Variants in TMEM132D observed in about 807,000 individuals in gnomAD.
TMEM132D encodes mature OL transmembrane protein.
Under a neutral mutation model 62.3 loss-of-function variants are expected in TMEM132D, and 21 were observed. The ratio of observed to expected loss-of-function variants is 0.34; its 90% CI spans 0.24 to 0.49. TMEM132D has a LOEUF of 0.49. Ranked by LOEUF, TMEM132D falls within the 20% of genes least tolerant of loss-of-function variation. TMEM132D has a pLI of 0.99. For synonymous variants in TMEM132D, 621 were observed against 575.6 expected, an observed-to-expected ratio of 1.08 and a Z score of -1.13; for missense variants, 1,346 against 1,402.8, an observed-to-expected ratio of 0.96 and a Z score of 0.65.
intron 1 of TMEM132D, among the ~76,000 whole-genome samples, chr12:129,837,342 C>T (rs554413153): frequency 3.9e-5 from 6 of 152,282 alleles, no homozygotes; most frequent in Admixed American, 1.3e-4. Context: ...CACAGGTCCA[C>T]GGTGCTATTT....
intron 2 of TMEM132D, among the ~76,000 whole-genome samples, chr12:129,649,675 T>C (rs1371837474): frequency 2.0e-5 from 3 of 152,112 alleles, no homozygotes; most frequent in Admixed American, 6.5e-5. Context: ...CTATAGAATA[T>C]ACTGTTCTAT....
intron 1 of TMEM132D, among the ~76,000 whole-genome samples, chr12:129,762,497 CTCTG>C (rs1870414067): frequency 6.6e-6 from 1 of 152,036 alleles, no homozygotes; most frequent in Non-Finnish European, 1.5e-5. Flanking sequence ...AGGTGTTTTG[CTCTG>C]TCTTCTTTTC....
intron 1 of TMEM132D, among the ~76,000 whole-genome samples, chr12:129,819,380 C>G (rs1872477909): frequency 1.3e-5 from 2 of 152,086 alleles, no homozygotes; most frequent in African/African-American, 2.4e-5. Flanking sequence ...ACTAAAATAT[C>G]GTAATACCAT....
intron 1 of TMEM132D, among the ~76,000 whole-genome samples, chr12:129,861,731 G>T (rs886542508): frequency 7.2e-6 from 1 of 138,918 alleles, no homozygotes; most frequent in Non-Finnish European, 1.5e-5. Flanking sequence ...TCCAGCCTGG[G>T]CAACAGAGAG....
intron 1 of TMEM132D, among the ~76,000 whole-genome samples, chr12:129,731,114 G>T (rs1256814249): frequency 6.6e-6 from 1 of 151,998 alleles, no homozygotes; most frequent in African/African-American, 2.4e-5. Flanking sequence ...TATTTCAATT[G>T]GTTTAGAGCT....
intron 1 of TMEM132D, among the ~76,000 whole-genome samples, chr12:129,755,948 C>A (rs1870155399): frequency 6.6e-6 from 1 of 152,178 alleles, no homozygotes; most frequent in Non-Finnish European, 1.5e-5. Flanking sequence ...CCAAAAATGT[C>A]CATAATACAC....
intron 1 of TMEM132D, among the ~76,000 whole-genome samples, chr12:129,710,933 C>A (rs1420337546): frequency 6.6e-6 from 1 of 152,088 alleles, no homozygotes; most frequent in Non-Finnish European, 1.5e-5. Context: ...CCTACCCACG[C>A]GCATTCCCCG....
chr12:129,160,170 G>A (rs983075658), intron 5 of TMEM132D, among the ~76,000 whole-genome samples: 2 of 152,176 alleles, frequency 1.3e-5, no homozygotes, highest in African/African-American at 2.4e-5. Context: ...GTGTATGTTG[G>A]GGTCATATGG....
intron 3 of TMEM132D, among the ~76,000 whole-genome samples, chr12:129,512,234 T>C (rs1418616544): frequency 2.0e-5 from 3 of 152,194 alleles, no homozygotes; most frequent in Non-Finnish European, 2.9e-5. Flanking sequence ...GTCTCCGGCA[T>C]GCACCTGAAT....
intron 1 of TMEM132D, among the ~76,000 whole-genome samples, chr12:129,805,932 AC>A (rs1199767787): frequency 5.2e-5 from 7 of 135,172 alleles, no homozygotes; most frequent in Non-Finnish European, 1.1e-4. Context: ...GCCAAAAAAC[AC>A]ATGAAAAAAT....
chr12:129,726,634 T>G (rs1869046868), intron 1 of TMEM132D, among the ~76,000 whole-genome samples: 1 of 152,184 alleles, frequency 6.6e-6, no homozygotes, highest in African/African-American at 2.4e-5. Context: ...CTTGAAAGAT[T>G]GTCTTGCTGC....
At chr12:129,513,977 A>G (rs1021997567) in intron 3 of TMEM132D, among the ~76,000 whole-genome samples, 1 of 150,552 alleles carries the variant, frequency 6.6e-6, no homozygotes, top group Non-Finnish European at 1.5e-5. Context: ...AGCTGGGACT[A>G]CAGGCGCCCG....
chr12:129,841,931 G>GT (rs1873205150), intron 1 of TMEM132D, among the ~76,000 whole-genome samples: 1 of 143,572 alleles, frequency 7.0e-6, no homozygotes, highest in African/African-American at 2.5e-5. Context: ...CGTGGTTTTC[G>GT]TGTTTTTTTT....
At chr12:129,188,690 TGATA>T (rs145843780) in intron 5 of TMEM132D, among the ~76,000 whole-genome samples, 7,463 of 147,102 alleles carry the variant, frequency 0.051, 242 homozygotes, top group African/African-American at 0.097. Context: ...ACTAGATGAT[TGATA>T]GATAGATAGA....
intron 2 of TMEM132D, among the ~76,000 whole-genome samples, chr12:129,584,471 G>T (rs1283392389): frequency 2.6e-5 from 4 of 152,166 alleles, no homozygotes; most frequent in African/African-American, 9.7e-5. Context: ...GCCTCATGGT[G>T]GGTGGGAGTT....
intron 5 of TMEM132D, among the ~76,000 whole-genome samples, chr12:129,145,329 T>A (rs1009067699): frequency 1.4e-4 from 21 of 152,278 alleles, no homozygotes; most frequent in African/African-American, 5.1e-4. Context: ...TGAAAATCCC[T>A]GCCCTAGAGT....
intron 3 of TMEM132D, among the ~76,000 whole-genome samples, chr12:129,420,272 T>C (rs1268900655): frequency 6.7e-6 from 1 of 150,038 alleles, no homozygotes; most frequent in African/African-American, 2.4e-5. Flanking sequence ...CAAACAACAT[T>C]ATGAAGTTAA....
intron 3 of TMEM132D, among the ~76,000 whole-genome samples, chr12:129,490,481 T>G (rs1259838511): frequency 2.2e-5 from 3 of 136,732 alleles, no homozygotes; most frequent in African/African-American, 8.3e-5. Context: ...CAGCCTGGAG[T>G]GCAGTGGCGC....
intron 3 of TMEM132D, among the ~76,000 whole-genome samples, chr12:129,494,320 C>T (rs778406450): frequency 1.4e-4 from 22 of 152,104 alleles, no homozygotes; most frequent in Non-Finnish European, 3.2e-4. Flanking sequence ...CTTAGATATG[C>T]CTAAGGTCAA....
Sources: gnomAD v4.1 joint callset for allele counts (sites outside exome capture counted in the v4.1 genomes callset) on GRCh38, gnomAD v4.1.1 for gene constraint, MANE v1.5 for transcripts, NCBI Gene and HGNC (gene_info 2026-07-23, HGNC 2026-07-21) for gene names.